RIC1: variants seen among roughly 807,000 people sequenced by gnomAD.
RIC1 encodes guanine nucleotide exchange factor subunit RIC1.
RIC1 carries 88 observed loss-of-function variants against 169.0 expected under a neutral mutation model. The observed-to-expected ratio is 0.52, with a 90% CI of 0.44 to 0.62. RIC1 has a LOEUF of 0.62. Among genes scored for constraint, RIC1 ranks in the 20% least tolerant of loss-of-function variants. The pLI is 0.00. For synonymous variants in RIC1, 790 were observed against 601.5 expected (o/e 1.31, Z -4.59); for missense variants, 1,877 against 1,725.5 (o/e 1.09, Z -1.56).
At chr9:5,659,199 A>T (rs1483670706) in intron 2 of RIC1, among the ~76,000 whole-genome samples, 1 of 152,094 alleles carries the variant, frequency 6.6e-6, no homozygotes, top group Non-Finnish European at 1.5e-5. Context: ...TTGAAAATCA[A>T]TTGGCCATTG....
chr9:5,679,003 T>C (rs1304752163), intron 2 of RIC1, among the ~76,000 whole-genome samples: 1 of 152,126 alleles, frequency 6.6e-6, no homozygotes, highest in East Asian at 1.9e-4. Context: ...CTTTAATCCA[T>C]CTTGAATTAA....
intron 6 of RIC1, among the ~76,000 whole-genome samples, chr9:5,727,470 C>T (rs1285306523): frequency 6.6e-6 from 1 of 152,150 alleles, no homozygotes; most frequent in Non-Finnish European, 1.5e-5. Context: ...TGCTTCTTTG[C>T]AATGGGTTCG....
chr9:5,656,204 T>A (rs907426815), intron 1 of RIC1, among the ~76,000 whole-genome samples: 1 of 152,128 alleles, frequency 6.6e-6, no homozygotes, highest in African/African-American at 2.4e-5. Flanking sequence ...CCTTTTCTGA[T>A]TTTGGTATTA....
At chr9:5,739,359 T>C (rs1824925497) in intron 8 of RIC1, among the ~76,000 whole-genome samples, 2 of 152,198 alleles carry the variant, frequency 1.3e-5, no homozygotes, top group South Asian at 4.1e-4. Context: ...CCCTACTTAG[T>C]GGGCCCAAAT....
At chr9:5,742,681 G>T (rs77839915) in intron 8 of RIC1, among the ~76,000 whole-genome samples, 188 bp from the exon 9 acceptor site, 1 of 151,298 alleles carries the variant, frequency 6.6e-6, no homozygotes, top group Admixed American at 6.6e-5. Flanking sequence ...GTTCTGCTTA[G>T]ATCAGGACAA....
chr9:5,724,110 C>A (rs973351895), intron 6 of RIC1, among the ~76,000 whole-genome samples: 1 of 152,134 alleles, frequency 6.6e-6, no homozygotes, highest in Admixed American at 6.5e-5. Flanking sequence ...TCATTGGTAA[C>A]TTGATGGGGA....
intron 7 of RIC1, among the ~76,000 whole-genome samples, chr9:5,733,263 A>ATTT (rs71487829): frequency 2.2e-5 from 3 of 134,862 alleles, no homozygotes; most frequent in Non-Finnish European, 4.8e-5. Flanking sequence ...AGTATCAAAG[A>ATTT]TTTTTTTTTT....
intron 3 of RIC1, among the ~76,000 whole-genome samples, chr9:5,710,006 A>T (rs904601672): frequency 7.2e-5 from 11 of 152,190 alleles, no homozygotes; most frequent in African/African-American, 2.4e-4. Context: ...CCAACAGAAA[A>T]AAAGCTGAAA....
At chr9:5,729,042 G>T (rs1247419954) in intron 6 of RIC1, among the ~76,000 whole-genome samples, 1 of 151,928 alleles carries the variant, frequency 6.6e-6, no homozygotes, top group African/African-American at 2.4e-5. Flanking sequence ...TCCCCTCTCT[G>T]TCTCCAGTGT....
chr9:5,715,434 C>T (rs1032374366), intron 4 of RIC1, among the ~76,000 whole-genome samples: 2 of 152,192 alleles, frequency 1.3e-5, no homozygotes, highest in African/African-American at 2.4e-5. Flanking sequence ...GGTTGGAAAT[C>T]TGTAAGGTTT....
chr9:5,753,177 A>G (rs370495128), intron 12 of RIC1, 23 bp from the exon 13 acceptor site: 9 of 1,595,152 alleles, frequency 5.6e-6, no homozygotes, highest in African/African-American at 5.4e-5. Flanking sequence ...AGTTTTACCA[A>G]TCTGATGTGT....
chr9:5,673,670 T>C (rs1472337932), intron 2 of RIC1, among the ~76,000 whole-genome samples: 3 of 150,908 alleles, frequency 2.0e-5, no homozygotes, highest in Admixed American at 2.0e-4. Flanking sequence ...ATACTAAAAA[T>C]AGTAGTAAGT....
At chr9:5,739,034 T>TA (rs1460149096) in intron 8 of RIC1, among the ~76,000 whole-genome samples, 1 of 152,142 alleles carries the variant, frequency 6.6e-6, no homozygotes, top group Non-Finnish European at 1.5e-5. Flanking sequence ...AGATCTGACA[T>TA]ACAGAGAAGT....
intron 6 of RIC1, among the ~76,000 whole-genome samples, chr9:5,727,392 T>G (rs895870458): frequency 9.2e-5 from 14 of 152,214 alleles, no homozygotes; most frequent in Non-Finnish European, 1.5e-4. Context: ...CTCCATCACG[T>G]CATTTTAGGT....
chr9:5,652,698 T>C (rs1818870946), intron 1 of RIC1, among the ~76,000 whole-genome samples: 1 of 152,174 alleles, frequency 6.6e-6, no homozygotes, highest in East Asian at 1.9e-4. Flanking sequence ...TTTATTCTTT[T>C]TTTTTTCTTG....
chr9:5,673,205 A>G (rs1820213835), intron 2 of RIC1, among the ~76,000 whole-genome samples: 1 of 152,124 alleles, frequency 6.6e-6, no homozygotes, highest in South Asian at 2.1e-4. Context: ...TCATATTAAT[A>G]AAAACTTCCT....
At chr9:5,777,468 A>T (rs1341236491), downstream of RIC1, among the ~76,000 whole-genome samples, 1 of 151,512 alleles carries the variant, frequency 6.6e-6, no homozygotes, top group Non-Finnish European at 1.5e-5. Flanking sequence ...GAGTGTTGTC[A>T]GCATGTGATT....
intron 7 of RIC1, among the ~76,000 whole-genome samples, chr9:5,737,759 A>G (rs537524718): frequency 1.3e-5 from 2 of 151,550 alleles, no homozygotes; most frequent in East Asian, 3.9e-4. Flanking sequence ...CCTTACTGAC[A>G]ATATAGTCAA....
At chr9:5,662,694 C>A (rs1055107934) in intron 2 of RIC1, among the ~76,000 whole-genome samples, 1 of 152,116 alleles carries the variant, frequency 6.6e-6, no homozygotes, top group African/African-American at 2.4e-5. Context: ...TCCCCTTTAT[C>A]ATTTCTGATT....
Sources: gnomAD v4.1 joint callset for allele counts (sites outside exome capture counted in the v4.1 genomes callset) on GRCh38, gnomAD v4.1.1 for gene constraint, MANE v1.5 for transcripts, NCBI Gene and HGNC (gene_info 2026-07-23, HGNC 2026-07-21) for gene names.